The following TNR variants were observed in gnomAD, a reference collection of about 807,000 sequenced individuals.
TNR encodes the protein tenascin R.
TNR carries 45 observed loss-of-function variants against 150.4 expected under a neutral mutation model. That is an observed-to-expected ratio of 0.30 (90% CI 0.24 to 0.38). The LOEUF (loss-of-function observed/expected upper bound fraction) is 0.38. Among genes scored for constraint, TNR ranks in the 10% least tolerant of loss-of-function variants. TNR has a pLI of 1.00. For missense variants in TNR, 1,544 were observed against 1,759.1 expected (o/e 0.88, Z 2.19); for synonymous variants, 687 against 678.4 (o/e 1.01, Z -0.20).
intron 1 of TNR, among the ~76,000 whole-genome samples, chr1:175,671,715 G>C (rs1427261734): frequency 6.6e-6 from 1 of 152,154 alleles, no homozygotes; most frequent in Admixed American, 6.5e-5. Context: ...AACTGGGTTT[G>C]TCATATTTTT....
intron 2 of TNR, among the ~76,000 whole-genome samples, chr1:175,517,784 A>T (rs887775917): frequency 4.6e-5 from 7 of 152,158 alleles, no homozygotes; most frequent in African/African-American, 1.4e-4. Flanking sequence ...TGATCCCTTT[A>T]TTTGCTGTGC....
At chr1:175,537,934 A>G (rs928447595) in intron 1 of TNR, among the ~76,000 whole-genome samples, 1 of 152,230 alleles carries the variant, frequency 6.6e-6, no homozygotes, top group Admixed American at 6.5e-5. Flanking sequence ...CTAAGAGTCA[A>G]GTGCAAATCC....
rs894395001 is a variant in TNR at position 175,599,824 on chromosome 1, T to G, written c.-164-71455A>C. ...GAAACCAGAAAATACACTTCCCAGA[T>G]AGCAAGGAGGGGTGATTCGGATTCA... is the stretch of plus-strand genomic sequence containing the variant. On this transcript the variant is annotated intron_variant, in intron 1 of 22. Coordinates refer to ENST00000367674, the MANE Select transcript of TNR (RefSeq NM_003285.3). The surrounding 1 kb of genome is among the most constrained non-coding windows in gnomAD (Gnocchi z 4.7). Among the ~76,000 whole-genome samples the G allele has an allele frequency of 7.2e-5, 11 of 152,072 alleles. No homozygotes were observed. Among genetic ancestry groups the G allele is most frequent in the African/African-American group, 2.7e-4 (11 of 41,396 alleles).
At chr1:175,366,950 T>C (rs980427487) in intron 10 of TNR, among the ~76,000 whole-genome samples, 8 of 152,122 alleles carry the variant, frequency 5.3e-5, no homozygotes, top group Non-Finnish European at 1.0e-4. Flanking sequence ...CCACCTCTGC[T>C]CTGTACAGCC....
At chr1:175,440,674 G>A (rs1027172738) in intron 2 of TNR, among the ~76,000 whole-genome samples, 6 of 152,084 alleles carry the variant, frequency 3.9e-5, no homozygotes, top group African/African-American at 1.2e-4. Context: ...TTGATACCAA[G>A]TGAAGACCAT....
At position 175,322,472 on chromosome 1, in the gene TNR, T is replaced by A. The variant is rs1649109852; in HGVS notation, c.*885A>T. The A allele has an allele frequency of 6.6e-6, 1 of 152,218 alleles. No individual in the cohort carries two copies. The highest frequency in any genetic ancestry group is 1.5e-5 in the Non-Finnish European group (1 of 68,060). The allele number at this position is 152,218 out of a possible 1,614,324, so 9.4% of individuals were successfully genotyped here. ...ATAAGAGTGTCAGAAGATGAGAATC[T>A]TTGGCCCATTATAAAGGACTTGGGG... On this transcript the variant is annotated 3_prime_UTR_variant, in exon 23 of 23. Coordinates refer to ENST00000367674, the MANE Select transcript of TNR (RefSeq NM_003285.3).
rs183542189 is a variant in TNR at position 175,454,839 on chromosome 1, C to T, written c.-63-48062G>A. ...TACACTCTCTGAGGCTTGGTTTCTTCATCTGCACGGTGGGAACACGGGCAG... is the reference window on the plus strand; with the variant it reads ...TACACTCTCTGAGGCTTGGTTTCTTTATCTGCACGGTGGGAACACGGGCAG... On this transcript the variant is annotated intron_variant, in intron 2 of 22. Coordinates refer to ENST00000367674, the MANE Select transcript of TNR (RefSeq NM_003285.3). Among the ~76,000 whole-genome samples the T allele has an allele frequency of 7.9e-5, 12 of 152,304 alleles. No homozygotes were observed. The East Asian group carries it at 2.3e-3, about 29-fold the overall frequency.
intron 1 of TNR, among the ~76,000 whole-genome samples, chr1:175,659,231 C>T (rs548533330): frequency 8.5e-5 from 13 of 152,124 alleles, no homozygotes; most frequent in South Asian, 8.3e-4. Context: ...AGGCTGGAGC[C>T]GCAGCACACC....
rs1288694406 is a variant in TNR, at chr1:175,331,095, T to TTCTC, written c.3632-861_3632-860insGAGA. ...TTTCTTTCCTTCTTTCTTTCTTTCTTTCTTTCTCTCTCTCTTTCTTTTCTT... is the reference window on the plus strand; with the variant it reads ...TTTCTTTCCTTCTTTCTTTCTTTCTTTCTCTCTTTCTCTCTCTCTTTCTTTTCTT... On this transcript the variant is annotated intron_variant, in intron 20 of 22. Coordinates refer to ENST00000367674, the MANE Select transcript of TNR (RefSeq NM_003285.3). 8.1e-4 allele frequency among the ~76,000 whole-genome samples: 107 copies of TTCTC among 132,130 alleles called. 6 individuals carry two copies. Among genetic ancestry groups the TTCTC allele is most frequent in the African/African-American group, 3.0e-3 (98 of 33,152 alleles). 86.7% of individuals were successfully genotyped at this position (132,130 alleles called of 152,430 possible).
Position 175,345,076 on chromosome 1 carries a change from C to G in TNR, c.3383-7397G>C, listed in dbSNP as rs201192113. 1.7e-4 allele frequency among the ~76,000 whole-genome samples: 26 copies of G among 152,046 alleles called. No homozygotes were observed. The East Asian group carries it at 4.8e-3, about 28-fold the overall frequency. ...TGAGCCGAGATCAAGCCACTGCACT[C>G]CAGCCCAGGTGACAGAGTGAGACTC... On this transcript the variant is annotated intron_variant, in intron 18 of 22. Transcript: ENST00000367674.
chr1:175,459,567 C>T (rs1656723971), intron 2 of TNR, among the ~76,000 whole-genome samples: 1 of 152,178 alleles, frequency 6.6e-6, no homozygotes, highest in Non-Finnish European at 1.5e-5. Context: ...AAAGAAAATG[C>T]ATTAAGTAAT....
intron 1 of TNR, among the ~76,000 whole-genome samples, chr1:175,551,604 G>A (rs558745395): frequency 1.3e-5 from 2 of 152,270 alleles, no homozygotes; most frequent in Admixed American, 1.3e-4. Context: ...CACATGGCTT[G>A]GAGTACCTAT....
At chr1:175,606,018 G>T (rs111281750) in intron 1 of TNR, among the ~76,000 whole-genome samples, 235 of 151,924 alleles carry the variant, frequency 1.5e-3, no homozygotes, top group African/African-American at 5.5e-3. Context: ...AAAGGCAGAA[G>T]CCATTTGCGC....
chr1:175,573,500 AC>A (rs1264288987), intron 1 of TNR, among the ~76,000 whole-genome samples: 1 of 152,188 alleles, frequency 6.6e-6, no homozygotes, highest in East Asian at 1.9e-4. Flanking sequence ...AGCTTGTCAC[AC>A]CCACCCAGCC....
At chr1:175,632,858 C>G (rs1251365122) in intron 1 of TNR, among the ~76,000 whole-genome samples, 1 of 152,154 alleles carries the variant, frequency 6.6e-6, no homozygotes, top group Non-Finnish European at 1.5e-5. Context: ...AAATCCAGAA[C>G]CTCAACATTA....
intron 1 of TNR, among the ~76,000 whole-genome samples, chr1:175,596,963 G>T (rs934796730): frequency 6.6e-6 from 1 of 152,134 alleles, no homozygotes; most frequent in Non-Finnish European, 1.5e-5. Context: ...AGCTGGAAAA[G>T]GGGTGCATAT....
At chr1:175,469,375 C>G (rs1003277854) in intron 2 of TNR, among the ~76,000 whole-genome samples, 1 of 152,168 alleles carries the variant, frequency 6.6e-6, no homozygotes, top group African/African-American at 2.4e-5. Context: ...CCACTGTTTT[C>G]TCAGATAGCA....
rs1202196270 is a variant in TNR at position 175,319,559 on chromosome 1, G to A, written c.*3798C>T. 6.6e-6 allele frequency: 1 copy of A among 152,370 alleles called. No homozygotes were observed. The highest frequency in any genetic ancestry group is 1.5e-5 in the Non-Finnish European group (1 of 68,042). The allele number at this position is 152,370 out of a possible 1,614,324, so 9.4% of individuals were successfully genotyped here. ...TTGGTTCTCAGGTGGAAGGAAGCGG[G>A]GCATTAGGAGTCCTACCACTTTATG... On this transcript the variant is annotated 3_prime_UTR_variant, in exon 23 of 23. Transcript: ENST00000367674.
intron 2 of TNR, among the ~76,000 whole-genome samples, chr1:175,498,102 CAAAA>C (rs1464187652): frequency 6.6e-6 from 1 of 151,608 alleles, no homozygotes; most frequent in African/African-American, 2.4e-5. Context: ...AAAAACAAAA[CAAAA>C]AACAAACAAA....
Sources: allele counts gnomAD v4.1 joint callset (sites outside exome capture counted in the v4.1 genomes callset), GRCh38; gene constraint gnomAD v4.1.1; non-coding constraint Gnocchi (gnomAD v3.1); transcripts MANE v1.5; gene names NCBI Gene and HGNC (gene_info 2026-07-23, HGNC 2026-07-21).